Variants in CAMKMT observed in about 807,000 individuals in gnomAD.
CAMKMT encodes the protein calmodulin-lysine N-methyltransferase, also known as CaM KMT.
CAMKMT carries 53 observed loss-of-function variants against 48.0 expected under a neutral mutation model. That is an observed-to-expected ratio of 1.10 (90% CI 0.89 to 1.39). CAMKMT has a LOEUF of 1.39. CAMKMT is among the 40% of genes most tolerant of loss of function. CAMKMT has a pLI of 0.00. For synonymous variants in CAMKMT, 165 were observed against 152.3 expected, an observed-to-expected ratio of 1.08 and a Z score of -0.61; for missense variants, 428 against 402.7, an observed-to-expected ratio of 1.06 and a Z score of -0.54.
chr2:44,452,756 T>G (rs561700287), intron 3 of CAMKMT, among the ~76,000 whole-genome samples: 40 of 152,110 alleles, frequency 2.6e-4, no homozygotes, highest in African/African-American at 9.6e-4. Context: ...AAATAAAGAC[T>G]AGTGAAAAAA....
intron 3 of CAMKMT, among the ~76,000 whole-genome samples, chr2:44,691,184 G>C (rs540471992): frequency 6.6e-6 from 1 of 152,124 alleles, no homozygotes; most frequent in Non-Finnish European, 1.5e-5. Context: ...ATGTCTTCAC[G>C]CTCTAAGCCA....
intron 3 of CAMKMT, among the ~76,000 whole-genome samples, chr2:44,525,232 T>C (rs1369144416): frequency 1.3e-5 from 2 of 152,182 alleles, no homozygotes; most frequent in Non-Finnish European, 1.5e-5. Context: ...CAGTAACTAT[T>C]ATAAAATTGT....
At chr2:44,647,317 T>G (rs190478243) in intron 3 of CAMKMT, among the ~76,000 whole-genome samples, 16 of 152,320 alleles carry the variant, frequency 1.1e-4, no homozygotes, top group African/African-American at 3.1e-4. Flanking sequence ...TTACCCCTTT[T>G]CGTAAAGTGT....
intron 3 of CAMKMT, chr2:44,456,662 T>A: frequency 2.6e-6 from 4 of 1,528,356 alleles, no homozygotes; most frequent in Non-Finnish European, 3.5e-6. Flanking sequence ...ATGGGACTTA[T>A]AAGAAAAGAT....
intron 3 of CAMKMT, among the ~76,000 whole-genome samples, chr2:44,475,772 T>C (rs1285063343): frequency 3.3e-5 from 5 of 152,198 alleles, no homozygotes; most frequent in Non-Finnish European, 7.4e-5. Flanking sequence ...ATGCATGATC[T>C]CATTTCAGTG....
At chr2:44,714,888 C>T (rs1678087063) in intron 6 of CAMKMT, among the ~76,000 whole-genome samples, 1 of 152,152 alleles carries the variant, frequency 6.6e-6, no homozygotes, top group Admixed American at 6.6e-5. Context: ...TCGCTGTGCT[C>T]ATCCCATGTA....
At chr2:44,385,208 GTATATTCC>G (rs1416250983) in intron 2 of CAMKMT, among the ~76,000 whole-genome samples, 1 of 151,796 alleles carries the variant, frequency 6.6e-6, no homozygotes, top group Non-Finnish European at 1.5e-5. Context: ...TCTTGGTTAG[GTATATTCC>G]TAAGTATTCC....
At chr2:44,739,187 T>A (rs1679527541) in intron 7 of CAMKMT, among the ~76,000 whole-genome samples, 1 of 152,204 alleles carries the variant, frequency 6.6e-6, no homozygotes, top group African/African-American at 2.4e-5. Context: ...CTGGCTGCTC[T>A]CTTGAGCAGA....
intron 3 of CAMKMT, among the ~76,000 whole-genome samples, chr2:44,541,534 T>C (rs1382047289): frequency 6.6e-6 from 1 of 152,182 alleles, no homozygotes; most frequent in Non-Finnish European, 1.5e-5. Flanking sequence ...TATATCCTGC[T>C]ACCTCACTGA....
intron 3 of CAMKMT, among the ~76,000 whole-genome samples, chr2:44,646,482 G>A (rs1297355072): frequency 6.6e-6 from 1 of 152,088 alleles, no homozygotes; most frequent in African/African-American, 2.4e-5. Context: ...TGATTCTGAA[G>A]CTGAATTAGT....
rs941364913 is a variant in CAMKMT at position 44,715,445 on chromosome 2, A to G, written c.623+92A>G. 5.6e-6 allele frequency: 5 copies of G among 885,172 alleles called. No homozygotes were observed. In the African/African-American group the frequency reaches 6.7e-5, roughly 12 times the overall value. 54.8% of individuals were successfully genotyped at this position (885,172 alleles called of 1,614,324 possible). On this transcript the variant is annotated intron_variant, in intron 7 of 10. Coordinates refer to ENST00000378494, the MANE Select transcript of CAMKMT (RefSeq NM_024766.5). ...TTAAAAATAATAATAGCTAACATTTATTGAGCACCTGCTGTGTGTCAGGCA... is the reference window on the plus strand; with the variant it reads ...TTAAAAATAATAATAGCTAACATTTGTTGAGCACCTGCTGTGTGTCAGGCA...
At chr2:44,468,747 A>G (rs1389317529) in intron 3 of CAMKMT, among the ~76,000 whole-genome samples, 3 of 152,100 alleles carry the variant, frequency 2.0e-5, no homozygotes, top group African/African-American at 7.2e-5. Flanking sequence ...AGCAAGACCC[A>G]GTCTCTACAA....
intron 3 of CAMKMT, among the ~76,000 whole-genome samples, chr2:44,538,534 A>T (rs1008367939): frequency 2.0e-5 from 3 of 152,154 alleles, no homozygotes; most frequent in Admixed American, 6.5e-5. Flanking sequence ...GGAAAACCAA[A>T]TATGGTTTAT....
chr2:44,399,019 A>G (rs565066796), intron 3 of CAMKMT, among the ~76,000 whole-genome samples: 4 of 152,174 alleles, frequency 2.6e-5, no homozygotes, highest in Non-Finnish European at 5.9e-5. Context: ...AATAAGGAAA[A>G]GTTTCCAATC....
At chr2:44,731,930 T>C (rs1014756621) in intron 7 of CAMKMT, among the ~76,000 whole-genome samples, 10 of 152,222 alleles carry the variant, frequency 6.6e-5, no homozygotes, top group Non-Finnish European at 1.3e-4. Flanking sequence ...AGGTTTGGCA[T>C]GTCCATAGCT....
intron 3 of CAMKMT, among the ~76,000 whole-genome samples, chr2:44,415,935 G>A (rs1339785802): frequency 1.3e-5 from 2 of 152,186 alleles, no homozygotes; most frequent in East Asian, 1.9e-4. Context: ...TGCTACTAAT[G>A]TTGGCTAAGC....
At chr2:44,496,749 T>G (rs1263874609) in intron 3 of CAMKMT, among the ~76,000 whole-genome samples, 3 of 152,204 alleles carry the variant, frequency 2.0e-5, no homozygotes, top group Non-Finnish European at 2.9e-5. Context: ...AGTTTTGGGC[T>G]TGGGAAATGA....
At chr2:44,625,000 T>C (rs1396262662) in intron 3 of CAMKMT, among the ~76,000 whole-genome samples, 1 of 141,638 alleles carries the variant, frequency 7.1e-6, no homozygotes, top group Non-Finnish European at 1.5e-5. Flanking sequence ...GTTTCCTGAC[T>C]TTCTAATGAT....
Position 44,772,194 on chromosome 2 carries a change from A to G in CAMKMT, c.*81A>G, listed in dbSNP as rs986611480. The G allele has an allele frequency of 3.6e-5, 43 of 1,179,282 alleles. No individual in the cohort carries two copies. Among genetic ancestry groups the G allele is most frequent in the Middle Eastern group, 3.8e-4 (2 of 5,200 alleles). 73.1% of individuals were successfully genotyped at this position (1,179,282 alleles called of 1,614,324 possible). A position where few individuals can be genotyped will look rare whatever the true frequency, so the allele number is the denominator to read the frequency against. ...ACAAAAACGGAAATCTGTAAGGGGT[A>G]TAATCGCCTGCCTGCGCCCTTTGCA... On this transcript the variant is annotated 3_prime_UTR_variant, in exon 11 of 11. Transcript: ENST00000378494.
Sources: gnomAD v4.1 joint callset for allele counts (sites outside exome capture counted in the v4.1 genomes callset) on GRCh38, gnomAD v4.1.1 for gene constraint, MANE v1.5 for transcripts, NCBI Gene and HGNC (gene_info 2026-07-23, HGNC 2026-07-21) for gene names.